Variants in RFLNA observed in about 807,000 individuals in gnomAD.
The protein encoded by RFLNA is refilin A, also known as refilin-A.
Under a neutral mutation model 7.8 loss-of-function variants are expected in RFLNA, and 5 were observed. The observed-to-expected ratio is 0.64, with a 90% CI of 0.34 to 1.35. RFLNA has a LOEUF of 1.35. RFLNA is among the 40% of genes most tolerant of loss of function. The probability of loss-of-function intolerance (pLI) is 0.04; values close to 1 mark genes in which losing one functional copy is unlikely to be tolerated. For synonymous variants in RFLNA, 141 were observed against 131.3 expected (o/e 1.07, Z -0.50); for missense variants, 278 against 305.5 (o/e 0.91, Z 0.67).
chr12:124,315,055 T>G lies in RFLNA; in HGVS notation c.*530T>G. 2 of 232,390 alleles carry G rather than the reference T, an allele frequency of 8.6e-6. No individual in the cohort carries two copies. The highest frequency in any genetic ancestry group is 1.7e-5 in the Non-Finnish European group (2 of 115,392). The allele number at this position is 232,390 out of a possible 1,614,324, so 14.4% of individuals were successfully genotyped here. On this transcript the variant is annotated 3_prime_UTR_variant, in exon 3 of 3. Transcript: ENST00000546355. ...AACAGCCTTTTCGCACACATGCAGG[T>G]TGCACCGAGAGGTCTGGAGCTGTGG...
intron 1 of RFLNA, among the ~76,000 whole-genome samples, chr12:124,307,456 C>T (rs2034155699): frequency 2.0e-5 from 3 of 152,210 alleles, no homozygotes; most frequent in Admixed American, 1.3e-4. Flanking sequence ...CACACTCCTG[C>T]GCCCCTGGTG....
intron 1 of RFLNA, among the ~76,000 whole-genome samples, chr12:124,304,749 C>T (rs556788112): frequency 2.6e-5 from 4 of 152,232 alleles, no homozygotes; most frequent in Non-Finnish European, 5.9e-5. Context: ...TTCCACTTGT[C>T]TGGACAGAAG....
At chr12:124,313,625 G>C (rs904625399) in intron 2 of RFLNA, among the ~76,000 whole-genome samples, 3 of 151,366 alleles carry the variant, frequency 2.0e-5, no homozygotes, top group East Asian at 3.9e-4. Flanking sequence ...CTTGCAGAGA[G>C]CCGAGATCGC....
intron 1 of RFLNA, among the ~76,000 whole-genome samples, chr12:124,296,171 C>T (rs60869224): frequency 0.66 from 2,114 of 3,218 alleles, 990 homozygotes; most frequent in Middle Eastern, 1. Context: ...CTTCTCTTCT[C>T]TTCTCTTCTC....
At chr12:124,292,724 A>G (rs575690139), upstream of RFLNA, among the ~76,000 whole-genome samples, 1 of 152,338 alleles carries the variant, frequency 6.6e-6, no homozygotes, top group South Asian at 2.1e-4. Context: ...TCCAGAACCC[A>G]GGTGGGCATA....
At chr12:124,302,898 T>C (rs1375920899) in intron 1 of RFLNA, among the ~76,000 whole-genome samples, 1 of 109,220 alleles carries the variant, frequency 9.2e-6, no homozygotes, top group Non-Finnish European at 2.1e-5. Context: ...GTTGCAAGGC[T>C]CCATGTGGCT....
chr12:124,308,515 C>T (rs2034178123), intron 1 of RFLNA, among the ~76,000 whole-genome samples: 1 of 152,244 alleles, frequency 6.6e-6, no homozygotes, highest in Admixed American at 6.5e-5. Context: ...TGCGTTGACC[C>T]TCGCTGCTTC....
chr12:124,311,891 G>C lies in RFLNA; in HGVS notation c.281G>C (p.Ser94Thr). ...PRMLPVFFGE[S>T]IKVNPEPTHE... is the part of the protein sequence containing the mutation. Reference sequence around the variant, plus strand: ...ATGCTGCCAGTGTTCTTTGGGGAGAGCATCAAGGTGAACCCGGAACCCACG... The same window carrying C: ...ATGCTGCCAGTGTTCTTTGGGGAGACCATCAAGGTGAACCCGGAACCCACG... Residue 94 changes from serine to threonine, a missense_variant, in exon 2 of 3, where the codon AGC becomes ACC. Coordinates refer to ENST00000546355, the MANE Select transcript of RFLNA (RefSeq NM_001365156.1). The C allele has an allele frequency of 6.3e-7, 1 of 1,593,624 alleles. No homozygotes were observed. Among genetic ancestry groups the C allele is most frequent in the Middle Eastern group, 1.7e-4 (1 of 5,998 alleles).
At position 124,314,431 on chromosome 12, in the gene RFLNA, G is replaced by A. The variant is rs976036364; in HGVS notation, c.557G>A (p.Ser186Asn). 7 of 1,603,170 alleles carry A rather than the reference G, an allele frequency of 4.4e-6. No homozygotes were observed. In the African/African-American group the frequency reaches 6.7e-5, roughly 15 times the overall value. The change falls in exon 3 of 3, where the codon AGC becomes AAC. Residue 186 changes from serine (S) to asparagine (N), a missense_variant. By Grantham distance (46) the Ser-to-Asn change is conservative. Coordinates refer to ENST00000546355, the MANE Select transcript of RFLNA (RefSeq NM_001365156.1). Reference protein sequence around the residue: ...RSTFRTTLHCSLGRPSRWFTA... With the variant: ...RSTFRTTLHCNLGRPSRWFTA... ...ACTTTCCGGACCACCCTGCACTGCA[G>A]CCTGGGCCGGCCCAGCCGCTGGTTC... is the stretch of plus-strand genomic sequence containing the variant.
chr12:124,308,157 T>C (rs997684211), intron 1 of RFLNA, among the ~76,000 whole-genome samples: 12 of 152,160 alleles, frequency 7.9e-5, no homozygotes, highest in African/African-American at 2.4e-4. Context: ...AATTTTTGTA[T>C]TTTTAGTAGA....
rs973232180 is a variant in RFLNA, at chr12:124,314,323, G to A, written c.449G>A (p.Arg150His). 10 of 1,613,392 alleles carry A rather than the reference G, an allele frequency of 6.2e-6. No homozygotes were observed. Among genetic ancestry groups the A allele is most frequent in the East Asian group, 2.2e-5 (1 of 44,878 alleles). The change falls in exon 3 of 3, where the codon CGC becomes CAC. Residue 150 changes from arginine to histidine, a missense_variant. Transcript: ENST00000546355. The part of the protein sequence containing the change: ...AAPNCTWRNY[R>H]SQLTLEPRPR... The stretch of plus-strand genomic sequence containing the variant: ...CCCAACTGCACGTGGCGCAACTACC[G>A]CAGCCAGCTGACCCTGGAGCCACGC...
chr12:124,291,918 A>C (rs2033830494), upstream of RFLNA, among the ~76,000 whole-genome samples: 1 of 152,140 alleles, frequency 6.6e-6, no homozygotes, highest in African/African-American at 2.4e-5. Flanking sequence ...AAGCTTGTGG[A>C]GGAAGGTCTT....
At chr12:124,296,352 T>TG (rs1236473711) in intron 1 of RFLNA, among the ~76,000 whole-genome samples, 1 of 148,966 alleles carries the variant, frequency 6.7e-6, no homozygotes, top group East Asian at 2.0e-4. Context: ...AGCCTGGGGG[T>TG]GGACTCCGGT....
intron 1 of RFLNA, among the ~76,000 whole-genome samples, chr12:124,297,350 A>G (rs543493355): frequency 1.3e-5 from 2 of 151,862 alleles, no homozygotes; most frequent in East Asian, 1.9e-4. Context: ...TGTTGCCCTG[A>G]TCTTCTAATT....
At chr12:124,302,168 G>A (rs2034049476) in intron 1 of RFLNA, among the ~76,000 whole-genome samples, 1 of 152,162 alleles carries the variant, frequency 6.6e-6, no homozygotes, top group South Asian at 2.1e-4. Context: ...TTGATCACAT[G>A]TGCAAAGACC....
At position 124,306,885 on chromosome 12, in the gene RFLNA, G is replaced by A. The variant is rs1337678601; in HGVS notation, c.208-4933G>A. 3.9e-5 allele frequency among the ~76,000 whole-genome samples: 6 copies of A among 152,224 alleles called. 1 individual carries two copies. Among genetic ancestry groups the A allele is most frequent in the Admixed American group, 1.3e-4 (2 of 15,292 alleles). On this transcript the variant is annotated intron_variant, in intron 1 of 2. Coordinates refer to ENST00000546355, the MANE Select transcript of RFLNA (RefSeq NM_001365156.1). The surrounding 1 kb of genome is among the most constrained non-coding windows in gnomAD (Gnocchi z 5.2). Reference sequence around the variant, plus strand: ...TGAGTTCACAGTTCCCGCCCAGCCCGATGTCCACCCTCCACTCCCTCTGCC... The same window carrying A: ...TGAGTTCACAGTTCCCGCCCAGCCCAATGTCCACCCTCCACTCCCTCTGCC...
rs115944081 is a variant in RFLNA, at chr12:124,302,994, T to C, written c.207+7358T>C. Among the ~76,000 whole-genome samples, 1,082 of 150,780 alleles carry C rather than the reference T, an allele frequency of 7.2e-3. 8 individuals carry two copies. Among genetic ancestry groups the C allele is most frequent in the African/African-American group, 0.023 (934 of 41,222 alleles). ...GGAGCAGCAACGGGGGAGGGGGGGC[T>C]CTGGGTACCTCCTCCTGCCTCCCAC... On this transcript the variant is annotated intron_variant, in intron 1 of 2. Coordinates refer to ENST00000546355, the MANE Select transcript of RFLNA (RefSeq NM_001365156.1).
intron 1 of RFLNA, among the ~76,000 whole-genome samples, chr12:124,296,102 T>TTC (rs575221473): frequency 5.7e-4 from 3 of 5,286 alleles, no homozygotes; most frequent in South Asian, 0.053. Context: ...CTTTCTTTCT[T>TTC]TCTTTCTTTC....
In RFLNA at chr12:124,314,771, G is replaced by A. The variant is rs1191312263; in HGVS notation, c.*246G>A. ...ATCTATTTTTTTAGCACTTAAGCTG[G>A]CAAGGCGGTAGGGGCATGCACTGTT... is the stretch of plus-strand genomic sequence containing the variant. On this transcript the variant is annotated 3_prime_UTR_variant, in exon 3 of 3. Coordinates refer to ENST00000546355, the MANE Select transcript of RFLNA (RefSeq NM_001365156.1). The A allele has an allele frequency of 2.7e-6, 2 of 738,222 alleles. No homozygotes were observed. The highest frequency in any genetic ancestry group is 2.0e-5 in the Admixed American group (1 of 49,504). The allele number at this position is 738,222 out of a possible 1,614,324, so 45.7% of individuals were successfully genotyped here.
Sources: gnomAD v4.1 joint callset for allele counts (sites outside exome capture counted in the v4.1 genomes callset) on GRCh38, gnomAD v4.1.1 for gene constraint, Gnocchi (gnomAD v3.1) non-coding constraint, MANE v1.5 for transcripts, NCBI Gene and HGNC (gene_info 2026-07-23, HGNC 2026-07-21) for gene names.